Variants in SLC19A3 observed in about 807,000 individuals in gnomAD.
The protein encoded by SLC19A3 is solute carrier family 19 member 3.
SLC19A3 carries 31 observed loss-of-function variants against 40.2 expected under a neutral mutation model. That is an observed-to-expected ratio of 0.77 (90% confidence interval 0.58 to 1.04). The LOEUF (loss-of-function observed/expected upper bound fraction) is 1.04, where lower values mean the gene tolerates loss of function less well. Among genes scored for constraint, SLC19A3 ranks in the 50% least tolerant of loss-of-function variants. SLC19A3 has a pLI of 0.00. For missense variants in SLC19A3, 592 were observed against 596.7 expected, an observed-to-expected ratio of 0.99 and a Z score of 0.08; for synonymous variants, 212 against 227.5, an observed-to-expected ratio of 0.93 and a Z score of 0.61.
At chr2:227,702,123 T>C in intron 2 of SLC19A3, 46 bp downstream of exon 2, 2 of 1,534,500 alleles carry the variant, frequency 1.3e-6, no homozygotes. Flanking sequence ...TCAAGTCCCA[T>C]AAAATTTAAA....
At chr2:227,714,359 C>T in intron 1 of SLC19A3, 1 of 915,968 alleles carries the variant, frequency 1.1e-6, no homozygotes, top group African/African-American at 1.8e-5. Context: ...GGCAATAAAC[C>T]TTGTAAGTCT....
Position 227,695,954 on chromosome 2 carries a change from G to A in SLC19A3, c.1107C>T (p.Ile369=). 1 of 1,614,170 alleles carries A rather than the reference G, an allele frequency of 6.2e-7. No homozygotes were observed. The highest frequency in any genetic ancestry group is 1.6e-4 in the Middle Eastern group (1 of 6,062). Residue 369 remains isoleucine, a synonymous_variant, in exon 4 of 6, where the codon ATC becomes ATT. Transcript: ENST00000644224. ...TCAAATAGCCAGCATAGCACGCCCA[G>A]ATATTGGCTGTGTAATGCATGAGAA... The part of the protein sequence containing the change: ...SLFLMHYTAN[I]WACYAGYLIF...
At chr2:227,717,731 T>G (rs1424250279) in intron 1 of SLC19A3, among the ~76,000 whole-genome samples, 1 of 152,132 alleles carries the variant, frequency 6.6e-6, no homozygotes, top group Non-Finnish European at 1.5e-5. Context: ...AGGCTGCAAA[T>G]GGGAATTCCA....
chr2:227,708,595 A>G (rs1252821946), intron 1 of SLC19A3, among the ~76,000 whole-genome samples: 1 of 143,470 alleles, frequency 7.0e-6, no homozygotes, highest in Non-Finnish European at 1.5e-5. Flanking sequence ...CAAACAAACC[A>G]AAAAAACAAC....
intron 5 of SLC19A3, among the ~76,000 whole-genome samples, 191 bp downstream of exon 5, chr2:227,687,975 T>C (rs1240033582): frequency 6.6e-6 from 1 of 152,232 alleles, no homozygotes; most frequent in East Asian, 1.9e-4. Context: ...TTACCTGCCT[T>C]ATCCATGTAA....
At chr2:227,690,330 GA>G (rs1695172467) in intron 4 of SLC19A3, among the ~76,000 whole-genome samples, 1 of 152,094 alleles carries the variant, frequency 6.6e-6, no homozygotes. Context: ...ATATAGCAGA[GA>G]AAATACATTT....
In SLC19A3 at chr2:227,703,025, C is replaced by T. The variant is rs1239714572; in HGVS notation, c.-2-705G>A. On this transcript the variant is annotated intron_variant, in intron 1 of 5. Transcript: ENST00000644224. This position sits in a 1 kb window ranked among gnomAD's most constrained non-coding sequence, Gnocchi z 4.7. ...ATGGAAGATCCAAGATGCCCAAACACTGGCTTCAAACCACATGATCAAGAT... is the reference window on the plus strand; with the variant it reads ...ATGGAAGATCCAAGATGCCCAAACATTGGCTTCAAACCACATGATCAAGAT... The T allele has an allele frequency of 6.6e-6, 1 of 152,514 alleles. No homozygotes were observed. Among genetic ancestry groups the T allele is most frequent in the Admixed American group, 6.5e-5 (1 of 15,296 alleles). 9.4% of individuals were successfully genotyped at this position (152,514 alleles called of 1,614,324 possible).
chr2:227,704,207 G>C (rs756274087), intron 1 of SLC19A3, among the ~76,000 whole-genome samples: 1 of 152,138 alleles, frequency 6.6e-6, no homozygotes. Flanking sequence ...CCAGGAGTTA[G>C]GGAAGACAAT....
rs1694950526 is a variant in SLC19A3, at chr2:227,684,593, C to T, written c.*2804G>A. 6.6e-6 allele frequency: 1 copy of T among 152,610 alleles called. No homozygotes were observed. Among genetic ancestry groups the T allele is most frequent in the Non-Finnish European group, 1.5e-5 (1 of 68,412 alleles). 9.5% of individuals were successfully genotyped at this position (152,610 alleles called of 1,614,324 possible). A position where few individuals can be genotyped will look rare whatever the true frequency, so the allele number is the denominator to read the frequency against. On this transcript the variant is annotated 3_prime_UTR_variant, in exon 6 of 6. Transcript: ENST00000644224. ...AAGTGTTGGGATTACAGGCGTGAGC[C>T]ACTGCACCTGGCCTCCTTTCCAATT...
Position 227,695,946 on chromosome 2 carries a change from C to T in SLC19A3, c.1115G>A (p.Cys372Tyr), listed in dbSNP as rs768594837. The change falls in exon 4 of 6, where the codon TGC (cysteine) becomes TAC (tyrosine). Residue 372 changes from cysteine (C) to tyrosine (Y), a missense_variant. Coordinates refer to ENST00000644224, the MANE Select transcript of SLC19A3 (RefSeq NM_025243.4). ...CTTGAATATCAAATAGCCAGCATAG[C>T]ACGCCCAGATATTGGCTGTGTAATG... ...LMHYTANIWA[C>Y]YAGYLIFKSS... 3.7e-6 allele frequency: 6 copies of T among 1,614,142 alleles called. No homozygotes were observed. The highest frequency in any genetic ancestry group is 5.1e-6 in the Non-Finnish European group (6 of 1,180,044).
chr2:227,709,287 G>A (rs2106339922), intron 1 of SLC19A3, among the ~76,000 whole-genome samples: 1 of 152,246 alleles, frequency 6.6e-6, no homozygotes, highest in East Asian at 1.9e-4. Context: ...TTCAAGATCA[G>A]CCTGGCCAAC....
At chr2:227,702,119 C>A in intron 2 of SLC19A3, 50 bp downstream of exon 2, 2 of 1,472,482 alleles carry the variant, frequency 1.4e-6, no homozygotes, top group South Asian at 1.1e-5. Flanking sequence ...TTGTTCAAGT[C>A]CCATAAAATT....
At chr2:227,717,046 A>G (rs1696359522) in intron 1 of SLC19A3, among the ~76,000 whole-genome samples, 2 of 116,128 alleles carry the variant, frequency 1.7e-5, no homozygotes, top group Non-Finnish European at 3.2e-5. Context: ...TGGGTCGCCC[A>G]GGCTGGAGTG....
chr2:227,716,836 T>A (rs555432620), intron 1 of SLC19A3, among the ~76,000 whole-genome samples: 12 of 152,220 alleles, frequency 7.9e-5, no homozygotes, highest in African/African-American at 2.6e-4. Context: ...GAAATTGGTA[T>A]TTTTGTCCAT....
At position 227,696,064 on chromosome 2, in the gene SLC19A3, C is replaced by T. The variant is rs2106326082; in HGVS notation, c.997G>A (p.Ala333Thr). The change falls in exon 4 of 6, where the codon GCA becomes ACA. Residue 333 changes from alanine (A) to threonine (T), a missense_variant. By Grantham distance (58) the Ala-to-Thr change is moderately conservative. Transcript: ENST00000644224. Reference protein sequence around the residue: ...ATFGGAVAAFAVGYVKVNWDL... With the variant: ...ATFGGAVAAFTVGYVKVNWDL... ...CAGTTGACTTTCACATAACCCACTG[C>T]AAAGGCAGCCACAGCCCCTGAAAAA... 2 of 1,587,438 alleles carry T rather than the reference C, an allele frequency of 1.3e-6. No individual in the cohort carries two copies. The highest frequency in any genetic ancestry group is 1.7e-6 in the Non-Finnish European group (2 of 1,171,340).
At position 227,718,006 on chromosome 2, in the gene SLC19A3, G is replaced by T; in HGVS notation, c.-66C>A. On this transcript the variant is annotated 5_prime_UTR_variant, in exon 1 of 6. Coordinates refer to ENST00000644224, the MANE Select transcript of SLC19A3 (RefSeq NM_025243.4). ...GCCGCACGACCACGCACCCGCGGCT[G>T]TCGGATGGATCCAGGCGCTCTTGGT... 1.0e-6 allele frequency: 1 copy of T among 985,202 alleles called. No individual in the cohort carries two copies. Among genetic ancestry groups the T allele is most frequent in the Non-Finnish European group, 1.2e-6 (1 of 829,710 alleles). The allele number at this position is 985,202 out of a possible 1,614,324, so 61.0% of individuals were successfully genotyped here. A position where few individuals can be genotyped will look rare whatever the true frequency, so the allele number is the denominator to read the frequency against.
At chr2:227,693,115 A>T (rs1270445669) in intron 4 of SLC19A3, among the ~76,000 whole-genome samples, 1 of 152,216 alleles carries the variant, frequency 6.6e-6, no homozygotes, top group Non-Finnish European at 1.5e-5. Context: ...TAAAATGCCC[A>T]TACTATCCAA....
intron 1 of SLC19A3, among the ~76,000 whole-genome samples, chr2:227,711,449 AAAT>A (rs1421775796): frequency 1.3e-5 from 2 of 148,976 alleles, no homozygotes; most frequent in African/African-American, 2.5e-5. Flanking sequence ...AAATAAAATA[AAAT>A]AATAAAATAA....
chr2:227,713,915 C>T (rs1696238335), intron 1 of SLC19A3, among the ~76,000 whole-genome samples: 1 of 151,826 alleles, frequency 6.6e-6, no homozygotes, highest in African/African-American at 2.4e-5. Flanking sequence ...TTCATTTACG[C>T]CAGGTCCAAA....
Sources: gnomAD v4.1 joint callset for allele counts (sites outside exome capture counted in the v4.1 genomes callset) on GRCh38, gnomAD v4.1.1 for gene constraint, Gnocchi (gnomAD v3.1) non-coding constraint, MANE v1.5 for transcripts, NCBI Gene and HGNC (gene_info 2026-07-23, HGNC 2026-07-21) for gene names.